The following CNTNAP2 variants were observed in gnomAD, a reference collection of about 807,000 sequenced individuals.
CNTNAP2 encodes the protein contactin associated protein 2.
CNTNAP2 carries 98 observed loss-of-function variants against 155.2 expected under a neutral mutation model. The observed-to-expected ratio is 0.63, with a 90% CI of 0.54 to 0.75. The LOEUF (loss-of-function observed/expected upper bound fraction) is 0.75. Ranked by LOEUF, CNTNAP2 falls within the 30% of genes least tolerant of loss-of-function variation. The probability of loss-of-function intolerance (pLI) is 0.00; values close to 1 mark genes in which losing one functional copy is unlikely to be tolerated. For synonymous variants in CNTNAP2, 651 were observed against 631.2 expected (o/e 1.03, Z -0.47); for missense variants, 1,727 against 1,688.1 (o/e 1.02, Z -0.40).
At chr7:146,574,091 G>A (rs1388526139) in intron 1 of CNTNAP2, among the ~76,000 whole-genome samples, 1 of 152,162 alleles carries the variant, frequency 6.6e-6, no homozygotes, top group Non-Finnish European at 1.5e-5. Flanking sequence ...AGGCGTGCTT[G>A]ACAGGATTCG....
At chr7:146,328,514 CCTGT>C (rs929375336) in intron 1 of CNTNAP2, among the ~76,000 whole-genome samples, 7 of 129,528 alleles carry the variant, frequency 5.4e-5, no homozygotes, top group African/African-American at 1.8e-4. Context: ...CACTTAGCGA[CCTGT>C]GTGTGTGTGT....
intron 10 of CNTNAP2, among the ~76,000 whole-genome samples, chr7:147,468,899 GAC>G (rs1798165339): frequency 2.0e-5 from 3 of 150,812 alleles, no homozygotes; most frequent in African/African-American, 7.3e-5. Context: ...GGAATGCAGT[GAC>G]ACAATCTGAG....
Position 147,021,934 on chromosome 7 carries a change from A to T in CNTNAP2, c.403-21973A>T, listed in dbSNP as rs192938996. On this transcript the variant is annotated intron_variant, in intron 3 of 23. Transcript: ENST00000361727. ...TCATGTACTTGACATTTATGTATTTATAAATATATTTTAGGTATGGCTATG... is the reference window on the plus strand; with the variant it reads ...TCATGTACTTGACATTTATGTATTTTTAAATATATTTTAGGTATGGCTATG... Among the ~76,000 whole-genome samples, 460 of 152,294 alleles carry T rather than the reference A, an allele frequency of 3.0e-3. 1 individual carries two copies. Among genetic ancestry groups the T allele is most frequent in the Non-Finnish European group, 5.3e-3 (360 of 68,022 alleles).
At chr7:146,618,751 G>T (rs149285188) in intron 1 of CNTNAP2, among the ~76,000 whole-genome samples, 2,104 of 152,266 alleles carry the variant, frequency 0.014, 35 homozygotes, top group Middle Eastern at 0.051. Context: ...AGAAGGGAAA[G>T]GTAGTTGTGT....
chr7:147,371,626 G>T (rs548733333), intron 9 of CNTNAP2, among the ~76,000 whole-genome samples: 1 of 152,018 alleles, frequency 6.6e-6, no homozygotes, highest in Non-Finnish European at 1.5e-5. Context: ...AGATTACCAA[G>T]TTCTCCTAGA....
chr7:146,909,098 A>T (rs544402358), intron 3 of CNTNAP2, among the ~76,000 whole-genome samples: 12 of 152,248 alleles, frequency 7.9e-5, no homozygotes, highest in Middle Eastern at 3.4e-3. Context: ...CCAAGACTAA[A>T]CCAGGAAGAA....
intron 1 of CNTNAP2, among the ~76,000 whole-genome samples, chr7:146,721,875 G>GTGTGTGTATGTATATA (rs1332551916): frequency 1.3e-5 from 1 of 76,702 alleles, no homozygotes; most frequent in Non-Finnish European, 2.1e-5. Context: ...GTGTGTGTGT[G>GTGTGTGTATGTATATA]TATATATATA....
chr7:147,167,976 T>C (rs1425590567), intron 8 of CNTNAP2, among the ~76,000 whole-genome samples: 1 of 149,800 alleles, frequency 6.7e-6, no homozygotes, highest in Non-Finnish European at 1.5e-5. Context: ...TACATATATG[T>C]ATATAGTATA....
chr7:147,859,972 G>T (rs140537700), intron 13 of CNTNAP2, among the ~76,000 whole-genome samples: 74 of 152,176 alleles, frequency 4.9e-4, no homozygotes, highest in Middle Eastern at 3.4e-3. Flanking sequence ...TTAATATTTC[G>T]TATGGTTTGG....
intron 5 of CNTNAP2, 31 bp downstream of exon 5, chr7:147,108,381 C>G: frequency 6.4e-7 from 1 of 1,563,324 alleles, no homozygotes; most frequent in Non-Finnish European, 8.8e-7. Flanking sequence ...CTATTCTTTC[C>G]GTTATGGATG....
chr7:147,514,641 G>T (rs1006137521), intron 11 of CNTNAP2, among the ~76,000 whole-genome samples: 2 of 151,254 alleles, frequency 1.3e-5, no homozygotes, highest in Non-Finnish European at 2.9e-5. Context: ...AAATAATAAG[G>T]TGTTTTGCTG....
At chr7:147,823,709 A>G (rs1382223431) in intron 13 of CNTNAP2, among the ~76,000 whole-genome samples, 1 of 137,006 alleles carries the variant, frequency 7.3e-6, no homozygotes, top group South Asian at 2.4e-4. Flanking sequence ...AATTACTTGC[A>G]AGCAAGGGCT....
intron 21 of CNTNAP2, among the ~76,000 whole-genome samples, chr7:148,373,400 A>T (rs1798925327): frequency 6.6e-6 from 1 of 152,204 alleles, no homozygotes; most frequent in Non-Finnish European, 1.5e-5. Flanking sequence ...AAGTTGTGGT[A>T]GCTCAGATTG....
chr7:147,388,874 T>C (rs73158339), intron 9 of CNTNAP2, among the ~76,000 whole-genome samples: 259 of 152,270 alleles, frequency 1.7e-3, no homozygotes, highest in Non-Finnish European at 3.2e-3. Flanking sequence ...ACATTCTTTC[T>C]TATGTTTCAT....
intron 1 of CNTNAP2, among the ~76,000 whole-genome samples, chr7:146,398,394 C>A (rs1795665358): frequency 3.3e-5 from 5 of 151,884 alleles, no homozygotes; most frequent in African/African-American, 1.2e-4. Flanking sequence ...GGGGGAAGCC[C>A]CTTATAAAAC....
At chr7:146,588,302 G>C (rs932579618) in intron 1 of CNTNAP2, among the ~76,000 whole-genome samples, 1 of 152,038 alleles carries the variant, frequency 6.6e-6, no homozygotes, top group Non-Finnish European at 1.5e-5. Flanking sequence ...ATTCATAAGA[G>C]AGCAGCACTT....
chr7:147,617,908 T>C (rs1464033643), intron 12 of CNTNAP2, among the ~76,000 whole-genome samples: 1 of 152,200 alleles, frequency 6.6e-6, no homozygotes, highest in Non-Finnish European at 1.5e-5. Context: ...TACATGCTTG[T>C]ATAAGACTGC....
chr7:146,507,449 G>T (rs1290488504), intron 1 of CNTNAP2, among the ~76,000 whole-genome samples: 1 of 152,160 alleles, frequency 6.6e-6, no homozygotes, highest in Non-Finnish European at 1.5e-5. Context: ...CAGCCTCATT[G>T]TCCCAATCCC....
Position 147,891,859 on chromosome 7 carries a change from A to G in CNTNAP2, c.2099-11706A>G, listed in dbSNP as rs1799700793. 2.6e-5 allele frequency among the ~76,000 whole-genome samples: 4 copies of G among 152,180 alleles called. No individual in the cohort carries two copies. In the South Asian group the frequency reaches 8.3e-4, roughly 32 times the overall value. ...TTGATACCAAAAACATAATGATAGT[A>G]CAACAAAGGGAAGTTATAGGCCAAA... On this transcript the variant is annotated intron_variant, in intron 13 of 23. Transcript: ENST00000361727.
Sources: gnomAD v4.1 joint callset for allele counts (sites outside exome capture counted in the v4.1 genomes callset) on GRCh38, gnomAD v4.1.1 for gene constraint, MANE v1.5 for transcripts, NCBI Gene and HGNC (gene_info 2026-07-23, HGNC 2026-07-21) for gene names.